KSR2: variants seen among roughly 807,000 people sequenced by gnomAD.
The protein encoded by KSR2 is kinase suppressor of ras 2.
KSR2 carries 25 observed loss-of-function variants against 107.8 expected under a neutral mutation model. That is an observed-to-expected ratio of 0.23 (90% confidence interval 0.17 to 0.32). The LOEUF (loss-of-function observed/expected upper bound fraction) is 0.32. Among genes scored for constraint, KSR2 ranks in the 10% least tolerant of loss-of-function variants. KSR2 has a pLI of 1.00. For missense variants in KSR2, 887 were observed against 1,268.9 expected (o/e 0.70, Z 4.57); for synonymous variants, 480 against 507.0 (o/e 0.95, Z 0.71).
chr12:117,677,951 T>C (rs1885206532), intron 4 of KSR2, among the ~76,000 whole-genome samples: 1 of 152,178 alleles, frequency 6.6e-6, no homozygotes, highest in Non-Finnish European at 1.5e-5. Context: ...TTTTTTGTTT[T>C]TGAGACAGAG....
rs552645187 is a variant in KSR2 at position 117,502,407 on chromosome 12, G to A, written c.2220-16716C>T. ...ATCCCTCAGAAAGCACTCTGGGTCT[G>A]CATTTTCCCTGGACTTTGAAATGCT... On this transcript the variant is annotated intron_variant, in intron 14 of 19. Coordinates refer to ENST00000339824, the MANE Select transcript of KSR2 (RefSeq NM_173598.6). 1.5e-4 allele frequency among the ~76,000 whole-genome samples: 23 copies of A among 152,256 alleles called. No individual in the cohort carries two copies. The East Asian group carries it at 4.4e-3, about 29-fold the overall frequency.
intron 4 of KSR2, among the ~76,000 whole-genome samples, chr12:117,706,951 C>T (rs1205088463): frequency 6.6e-6 from 1 of 152,044 alleles, no homozygotes; most frequent in African/African-American, 2.4e-5. Context: ...ATTGAAACAT[C>T]CCAAATGCCC....
At chr12:117,944,436 A>C (rs1896111686) in intron 1 of KSR2, among the ~76,000 whole-genome samples, 1 of 152,178 alleles carries the variant, frequency 6.6e-6, no homozygotes, top group Non-Finnish European at 1.5e-5. Flanking sequence ...ATGAGAACAG[A>C]CTAATACAGC....
chr12:117,950,811 A>G (rs1050798053), intron 1 of KSR2, among the ~76,000 whole-genome samples: 38 of 151,074 alleles, frequency 2.5e-4, no homozygotes, highest in African/African-American at 9.0e-4. Flanking sequence ...CTGGGGGAAA[A>G]CAAAATTATT....
intron 5 of KSR2, among the ~76,000 whole-genome samples, chr12:117,630,018 C>T (rs1321436053): frequency 6.6e-6 from 1 of 152,206 alleles, no homozygotes; most frequent in Non-Finnish European, 1.5e-5. Context: ...TGGACTCATG[C>T]AGAAGTGGGT....
intron 14 of KSR2, among the ~76,000 whole-genome samples, chr12:117,495,235 C>T (rs894175974): frequency 6.6e-6 from 1 of 152,208 alleles, no homozygotes; most frequent in Non-Finnish European, 1.5e-5. Flanking sequence ...CTTTCCCCCT[C>T]CCTTGAGTAA....
intron 5 of KSR2, among the ~76,000 whole-genome samples, chr12:117,650,778 G>T (rs1000205464): frequency 2.0e-5 from 3 of 152,172 alleles, no homozygotes; most frequent in Non-Finnish European, 4.4e-5. Context: ...ACAAAGTGAT[G>T]AAATAAAATT....
chr12:117,579,702 G>A (rs1477107054), intron 6 of KSR2, among the ~76,000 whole-genome samples: 1 of 152,134 alleles, frequency 6.6e-6, no homozygotes, highest in Non-Finnish European at 1.5e-5. Flanking sequence ...CATATCACCT[G>A]GGGAGTATCA....
intron 1 of KSR2, among the ~76,000 whole-genome samples, chr12:117,963,866 T>G (rs576449532): frequency 2.0e-4 from 31 of 152,130 alleles, no homozygotes; most frequent in Non-Finnish European, 4.4e-4. Context: ...TCCAGCATGC[T>G]CTCCCCTTTT....
At chr12:117,488,728 G>A (rs569767888) in intron 14 of KSR2, among the ~76,000 whole-genome samples, 50 of 146,936 alleles carry the variant, frequency 3.4e-4, no homozygotes, top group Admixed American at 1.7e-3. Context: ...ATAGAGTCTC[G>A]CTCTGTCATC....
chr12:117,940,088 T>C (rs1343466602), intron 1 of KSR2, among the ~76,000 whole-genome samples: 1 of 152,168 alleles, frequency 6.6e-6, no homozygotes, highest in Non-Finnish European at 1.5e-5. Context: ...ATTACCAGTT[T>C]ATGCCAGAAA....
chr12:117,496,592 G>A (rs1184795819), intron 14 of KSR2, among the ~76,000 whole-genome samples: 1 of 152,132 alleles, frequency 6.6e-6, no homozygotes, highest in Non-Finnish European at 1.5e-5. Flanking sequence ...AAAAATCAGT[G>A]TATTTTAAAG....
chr12:117,477,464 A>G (rs1010196261), intron 16 of KSR2, among the ~76,000 whole-genome samples: 2 of 152,186 alleles, frequency 1.3e-5, no homozygotes, highest in African/African-American at 4.8e-5. Flanking sequence ...TCCCTCCTGG[A>G]GCTTGCACTT....
chr12:117,510,827 G>C (rs2137197532), intron 14 of KSR2, among the ~76,000 whole-genome samples: 1 of 147,530 alleles, frequency 6.8e-6, no homozygotes, highest in South Asian at 2.1e-4. Context: ...GCAGTGAGCT[G>C]AGATCGCACC....
intron 3 of KSR2, among the ~76,000 whole-genome samples, chr12:117,818,322 T>C (rs1320935992): frequency 6.6e-6 from 1 of 152,068 alleles, no homozygotes; most frequent in East Asian, 1.9e-4. Flanking sequence ...CAGTATGTGC[T>C]CAGAGGCTAC....
intron 5 of KSR2, among the ~76,000 whole-genome samples, chr12:117,617,871 C>T (rs762157630): frequency 1.3e-5 from 2 of 152,050 alleles, no homozygotes; most frequent in Non-Finnish European, 2.9e-5. Context: ...TAAACCTAGA[C>T]GAGTTGAGGA....
chr12:117,729,277 T>C (rs770891071), intron 4 of KSR2, among the ~76,000 whole-genome samples: 5 of 152,054 alleles, frequency 3.3e-5, no homozygotes, highest in Admixed American at 6.6e-5. Flanking sequence ...CTCTCATGCA[T>C]TGACTGCCTC....
intron 10 of KSR2, among the ~76,000 whole-genome samples, chr12:117,532,116 T>C (rs1303383108): frequency 1.3e-5 from 2 of 152,262 alleles, no homozygotes; most frequent in East Asian, 3.8e-4. Flanking sequence ...TGTACTTTCC[T>C]AATTTTCTGC....
chr12:117,860,140 C>T, intron 2 of KSR2, 151 bp downstream of exon 2: 1 of 749,300 alleles, frequency 1.3e-6, no homozygotes, highest in South Asian at 2.1e-5. Context: ...ATCAGCGATC[C>T]TGAATGTTTT....
Sources: gnomAD v4.1 joint callset for allele counts (sites outside exome capture counted in the v4.1 genomes callset) on GRCh38, gnomAD v4.1.1 for gene constraint, MANE v1.5 for transcripts, NCBI Gene and HGNC (gene_info 2026-07-23, HGNC 2026-07-21) for gene names.